STYXL1: variants seen among roughly 807,000 people sequenced by gnomAD.
The protein encoded by STYXL1 is serine/threonine/tyrosine interacting like 1.
Under a neutral mutation model 36.4 loss-of-function variants are expected in STYXL1, and 32 were observed. The ratio of observed to expected loss-of-function variants is 0.88; its 90% CI spans 0.66 to 1.18. STYXL1 has a LOEUF of 1.18. Ranked by LOEUF, STYXL1 falls within the 50% of genes most tolerant of loss-of-function variation. STYXL1 has a pLI of 0.00. For synonymous variants in STYXL1, 133 were observed against 144.1 expected, an observed-to-expected ratio of 0.92 and a Z score of 0.55; for missense variants, 354 against 394.1, an observed-to-expected ratio of 0.90 and a Z score of 0.86.
intron 6 of STYXL1, 51 bp downstream of exon 6, chr7:76,005,208 A>T: frequency 9.5e-7 from 1 of 1,056,664 alleles, no homozygotes; most frequent in Non-Finnish European, 1.2e-6. Flanking sequence ...AAATTTAAAT[A>T]TTATATAAAA....
At chr7:76,007,363 T>C (rs1255655804) in intron 5 of STYXL1, among the ~76,000 whole-genome samples, 4 of 151,760 alleles carry the variant, frequency 2.6e-5, no homozygotes, top group East Asian at 3.9e-4. Flanking sequence ...GACGTGGAGG[T>C]TGCAGTGAGA....
At chr7:76,019,590 C>T (rs1793804384) in intron 4 of STYXL1, among the ~76,000 whole-genome samples, 1 of 152,164 alleles carries the variant, frequency 6.6e-6, no homozygotes, top group Non-Finnish European at 1.5e-5. Flanking sequence ...GAGTGTGAGG[C>T]ACCGTGCCTG....
At position 76,021,919 on chromosome 7, in the gene STYXL1, T is replaced by C. The variant is rs1554576361; in HGVS notation, c.239A>G (p.Asn80Ser). 3 of 1,613,574 alleles carry C rather than the reference T, an allele frequency of 1.9e-6. No individual in the cohort carries two copies. Among genetic ancestry groups the C allele is most frequent in the East Asian group, 2.2e-5 (1 of 44,894 alleles). Residue 80 changes from asparagine to serine, a missense_variant, in exon 4 of 9, where the codon AAC becomes AGC. Transcript: ENST00000359697. ...TAAGAGTATCTCCAGGGTGCTGCTG[T>C]TGTTATCATACACCACGCAGTACTT... The part of the protein sequence containing the change: ...CVKYCVVYDN[N>S]SSTLEILLKD...
chr7:76,028,336 G>A (rs954504467), intron 3 of STYXL1, among the ~76,000 whole-genome samples: 1 of 152,000 alleles, frequency 6.6e-6, no homozygotes, highest in Non-Finnish European at 1.5e-5. Context: ...GCCCAGCCAA[G>A]CCCAGGAGTT....
chr7:76,007,138 C>G (rs782758364), intron 5 of STYXL1, among the ~76,000 whole-genome samples: 2 of 152,056 alleles, frequency 1.3e-5, no homozygotes, highest in Non-Finnish European at 2.9e-5. Flanking sequence ...AAAGTATACA[C>G]AAGAGGGGCC....
intron 3 of STYXL1, among the ~76,000 whole-genome samples, chr7:76,026,621 A>C (rs1476850024): frequency 6.6e-6 from 1 of 152,222 alleles, no homozygotes; most frequent in Non-Finnish European, 1.5e-5. Flanking sequence ...TGCTAATTGC[A>C]TGTGGATATG....
chr7:76,041,670 C>A (rs4728550), intron 1 of STYXL1, among the ~76,000 whole-genome samples: 82,896 of 152,066 alleles, frequency 0.55, 25,101 homozygotes, highest in Non-Finnish European at 0.7. Context: ...AACTTCCTAG[C>A]CTCCAGAACA....
rs370252557 is a variant in STYXL1 at position 76,000,995 on chromosome 7, G to A, written c.705C>T (p.His235=). 6.2e-6 allele frequency: 10 copies of A among 1,613,788 alleles called. No individual in the cohort carries two copies. Among genetic ancestry groups the A allele is most frequent in the Admixed American group, 1.7e-5 (1 of 60,004 alleles). Residue 235 remains histidine, a synonymous_variant, in exon 8 of 9, where the codon CAC becomes CAT. Coordinates refer to ENST00000359697, the MANE Select transcript of STYXL1 (RefSeq NM_001317785.2). ...LRHMCHFIEI[H]HHLGSVILIF... ...TCAGAATGACAGAGCCAAGGTGATG[G>A]TGAATTTCTGCAAAAAGAAGTGGGG... is the stretch of plus-strand genomic sequence containing the variant.
chr7:76,016,432 C>T (rs782510820), intron 4 of STYXL1, among the ~76,000 whole-genome samples: 1 of 147,168 alleles, frequency 6.8e-6, no homozygotes, highest in Non-Finnish European at 1.5e-5. Context: ...CACATATATA[C>T]ATATATACGC....
intron 4 of STYXL1, among the ~76,000 whole-genome samples, chr7:76,014,581 G>A (rs9642168): frequency 0.051 from 7,752 of 151,476 alleles, 280 homozygotes; most frequent in East Asian, 0.16. Context: ...TTGAACTCCT[G>A]AGCTCAAGCA....
chr7:76,021,744 G>A, intron 4 of STYXL1, 107 bp downstream of exon 4: 1 of 810,638 alleles, frequency 1.2e-6, no homozygotes, highest in South Asian at 1.5e-5. Flanking sequence ...CTGTCTCAGT[G>A]TCATTGGCCT....
Position 76,047,811 on chromosome 7 carries a change from C to A in STYXL1, c.-154G>T. ...GTCGGAGCCTCTGCCTGGGGCCCCA[C>A]CTGGAAAAATGGCTCCTCTAAGGCG... On this transcript the variant is annotated 5_prime_UTR_variant, in exon 1 of 9. Coordinates refer to ENST00000359697, the MANE Select transcript of STYXL1 (RefSeq NM_001317785.2). The A allele has an allele frequency of 1.1e-6, 1 of 888,288 alleles. No individual in the cohort carries two copies. Among genetic ancestry groups the A allele is most frequent in the Non-Finnish European group, 1.5e-6 (1 of 672,894 alleles). 55.0% of individuals were successfully genotyped at this position (888,288 alleles called of 1,614,324 possible). A position where few individuals can be genotyped will look rare whatever the true frequency, so the allele number is the denominator to read the frequency against.
rs1311100443 is a variant in STYXL1 at position 76,037,077 on chromosome 7, C to A, written c.-4-6550G>T. On this transcript the variant is annotated intron_variant, in intron 1 of 8. Transcript: ENST00000359697. ...AGGATTACAGGCGTGAGCCACCGCACCCGGCCAGCTCTTCTTAAGAGACCC... is the reference window on the plus strand; with the variant it reads ...AGGATTACAGGCGTGAGCCACCGCAACCGGCCAGCTCTTCTTAAGAGACCC... Among the ~76,000 whole-genome samples, 3 of 150,160 alleles carry A rather than the reference C, an allele frequency of 2.0e-5. 1 individual carries two copies. The highest frequency in any genetic ancestry group is 4.5e-5 in the Non-Finnish European group (3 of 67,124).
chr7:76,040,633 T>C (rs1335513616), intron 1 of STYXL1, among the ~76,000 whole-genome samples: 1 of 152,034 alleles, frequency 6.6e-6, no homozygotes, highest in Admixed American at 6.6e-5. Context: ...AGTCAGGAGT[T>C]CAAGACCAGC....
intron 5 of STYXL1, among the ~76,000 whole-genome samples, chr7:76,010,946 GGT>G (rs1792477640): frequency 6.6e-6 from 1 of 152,182 alleles, no homozygotes; most frequent in Non-Finnish European, 1.5e-5. Flanking sequence ...CAGGTGTGGT[GGT>G]TCATGCCTAT....
At position 76,013,842 on chromosome 7, in the gene STYXL1, C is replaced by G. The variant is rs781806718; in HGVS notation, c.353G>C (p.Arg118Pro). The G allele has an allele frequency of 1.2e-6, 2 of 1,613,834 alleles. No individual in the cohort carries two copies. The highest frequency in any genetic ancestry group is 8.5e-7 in the Non-Finnish European group (1 of 1,179,912). ...GATGTAGACGGGGTGGTGGGTGAGGCGGGTCAGGATCCTGCCATACTCAAT... is the reference window on the plus strand; with the variant it reads ...GATGTAGACGGGGTGGTGGGTGAGGGGGGTCAGGATCCTGCCATACTCAAT... ...AAIEYGRILT[R>P]LTHHPVYILK... is the part of the protein sequence containing the mutation. Residue 118 changes from arginine (R) to proline (P), a missense_variant, in exon 5 of 9, where the codon CGC (arginine) becomes CCC (proline). Physicochemically the swap from Arg to Pro is moderately radical, Grantham distance 103. Transcript: ENST00000359697.
chr7:76,046,353 C>G (rs1269288472), intron 1 of STYXL1, among the ~76,000 whole-genome samples: 1 of 111,112 alleles, frequency 9.0e-6, no homozygotes, highest in African/African-American at 3.4e-5. Context: ...CGCGCGCGCG[C>G]GCGCGCTTTT....
At chr7:76,019,930 A>AG (rs1280787154) in intron 4 of STYXL1, among the ~76,000 whole-genome samples, 1 of 145,186 alleles carries the variant, frequency 6.9e-6, no homozygotes, top group African/African-American at 2.6e-5. Context: ...CCTGACTCAA[A>AG]AAAAAAAAAA....
intron 1 of STYXL1, among the ~76,000 whole-genome samples, chr7:76,031,480 C>T (rs1554579312): frequency 2.6e-5 from 4 of 151,730 alleles, no homozygotes; most frequent in African/African-American, 4.8e-5. Flanking sequence ...TTTGGGAGGC[C>T]GAGGTAGGTG....
Sources: gnomAD v4.1 joint callset for allele counts (sites outside exome capture counted in the v4.1 genomes callset) on GRCh38, gnomAD v4.1.1 for gene constraint, MANE v1.5 for transcripts, NCBI Gene and HGNC (gene_info 2026-07-23, HGNC 2026-07-21) for gene names.